The following ADGRL2 variants were observed in gnomAD, a reference collection of about 807,000 sequenced individuals.
The protein encoded by ADGRL2 is adhesion G protein-coupled receptor L2, also known as calcium-independent alpha-latrotoxin receptor 2.
ADGRL2 carries 44 observed loss-of-function variants against 157.4 expected under a neutral mutation model. That is an observed-to-expected ratio of 0.28 (90% CI 0.22 to 0.36). The LOEUF is 0.36. Among genes scored for constraint, ADGRL2 ranks in the 10% least tolerant of loss-of-function variants. The pLI, the probability that ADGRL2 is intolerant of heterozygous loss-of-function variation, is 1.00. For missense variants in ADGRL2, 1,510 were observed against 1,768.9 expected, an observed-to-expected ratio of 0.85 and a Z score of 2.63; for synonymous variants, 585 against 624.7, an observed-to-expected ratio of 0.94 and a Z score of 0.95.
At chr1:81,341,447 A>ATT (rs57301400) in intron 1 of ADGRL2, among the ~76,000 whole-genome samples, 2 of 148,910 alleles carry the variant, frequency 1.3e-5, no homozygotes, top group African/African-American at 4.9e-5. Context: ...GAAAACTGTG[A>ATT]TTTTTTTTTT....
chr1:81,708,353 C>T (rs2083811083), intron 1 of ADGRL2, among the ~76,000 whole-genome samples: 1 of 152,118 alleles, frequency 6.6e-6, no homozygotes, highest in Non-Finnish European at 1.5e-5. Flanking sequence ...GGGTTATTTC[C>T]AATCACTCAG....
intron 3 of ADGRL2, chr1:81,586,093 A>G (rs1398422546): frequency 6.6e-6 from 1 of 152,076 alleles, no homozygotes; most frequent in Non-Finnish European, 1.5e-5. Context: ...CATGTATTCT[A>G]TTATGTTACA....
chr1:81,910,868 C>T (rs1380757814), intron 3 of ADGRL2, among the ~76,000 whole-genome samples: 1 of 151,410 alleles, frequency 6.6e-6, no homozygotes, highest in African/African-American at 2.4e-5. Context: ...GAAAGTTTGT[C>T]TTTGAAAAGT....
chr1:81,520,948 C>T (rs2079300067), intron 2 of ADGRL2, among the ~76,000 whole-genome samples: 1 of 152,204 alleles, frequency 6.6e-6, no homozygotes, highest in African/African-American at 2.4e-5. Flanking sequence ...TGATTTCCAG[C>T]ATTCTAGCCA....
chr1:81,864,950 C>T (rs1571770859), intron 2 of ADGRL2, among the ~76,000 whole-genome samples: 1 of 152,276 alleles, frequency 6.6e-6, no homozygotes, highest in East Asian at 1.9e-4. Context: ...CGCACCACTA[C>T]ACTCTAGCTT....
intron 1 of ADGRL2, among the ~76,000 whole-genome samples, chr1:81,392,744 T>C (rs374167920): frequency 6.6e-6 from 1 of 152,112 alleles, no homozygotes; most frequent in African/African-American, 2.4e-5. Flanking sequence ...TTCTTTTTAT[T>C]AGTTCAGCCT....
At chr1:81,382,536 A>G (rs7554357) in intron 1 of ADGRL2, among the ~76,000 whole-genome samples, 50,509 of 152,028 alleles carry the variant, frequency 0.33, 9,827 homozygotes, top group Non-Finnish European at 0.44. Context: ...TGCTTTTTTA[A>G]AAGCAACTTT....
intron 2 of ADGRL2, among the ~76,000 whole-genome samples, chr1:81,470,062 G>A (rs1467304871): frequency 1.3e-5 from 2 of 152,094 alleles, no homozygotes; most frequent in African/African-American, 4.8e-5. Context: ...AATTGCTTTA[G>A]GCCTTAGAAA....
Position 81,678,078 on chromosome 1 carries a change from T to C in ADGRL2, c.-142-83733T>C, listed in dbSNP as rs183606097. 2.3e-3 allele frequency among the ~76,000 whole-genome samples: 350 copies of C among 152,306 alleles called. 2 individuals are homozygous for C. Among genetic ancestry groups the C allele is most frequent in the African/African-American group, 8.0e-3 (332 of 41,572 alleles). On this transcript the variant is annotated intron_variant, in intron 3 of 24. Transcript: ENST00000370721. ...CACAGCTGAAATGTCACCTCCCATA[T>C]GTAGCCTTCTCAGAGCACATAGGAA...
chr1:81,531,231 G>A (rs976320555), intron 2 of ADGRL2, among the ~76,000 whole-genome samples: 17 of 152,164 alleles, frequency 1.1e-4, no homozygotes, highest in African/African-American at 3.6e-4. Context: ...ACTCTTGCTG[G>A]TAGAAAAGGA....
chr1:81,501,963 C>G (rs773499802), intron 2 of ADGRL2: 1 of 1,613,708 alleles, frequency 6.2e-7, no homozygotes, highest in Non-Finnish European at 8.5e-7. Flanking sequence ...GGGAGACCTT[C>G]TGGCAGCACT....
intron 2 of ADGRL2, among the ~76,000 whole-genome samples, chr1:81,885,327 A>T (rs1213932265): frequency 1.3e-5 from 2 of 152,074 alleles, no homozygotes; most frequent in Non-Finnish European, 2.9e-5. Context: ...AGAGGAATTT[A>T]AAAAAAATGT....
chr1:81,864,551 G>A (rs1267358194), intron 2 of ADGRL2, among the ~76,000 whole-genome samples: 1 of 152,054 alleles, frequency 6.6e-6, no homozygotes, highest in Non-Finnish European at 1.5e-5. Flanking sequence ...TAATTTGATA[G>A]CCTCATTTGT....
At position 81,347,328 on chromosome 1, in the gene ADGRL2, G is replaced by A. The variant is rs568506773; in HGVS notation, c.-302+40819G>A. ...AGGCAGGAGAATCGCTTGAACCCGG[G>A]AAGCAGAGGTTGCAGTGAGCCTAGA... On this transcript the variant is annotated intron_variant, in intron 1 of 24. Coordinates refer to the ADGRL2 transcript ENST00000370721. 7.9e-4 allele frequency among the ~76,000 whole-genome samples: 120 copies of A among 152,166 alleles called. 1 individual carries two copies. Among genetic ancestry groups the A allele is most frequent in the African/African-American group, 2.7e-3 (111 of 41,522 alleles).
At position 81,971,882 on chromosome 1, in the gene ADGRL2, A is replaced by G. The variant is rs771459250; in HGVS notation, c.2985A>G (p.Ile995Met). The part of the protein sequence containing the change: ...ACWLHVDNYF[I>M]WSFIGPVTFI... The stretch of plus-strand genomic sequence containing the variant: ...GGCTTCATGTTGATAACTACTTTAT[A>G]TGGAGCTTCATTGGACCTGTTACCT... The change falls in exon 17 of 24, where the codon ATA becomes ATG. Residue 995 changes from isoleucine (I) to methionine (M), a missense_variant. By Grantham distance (10) the Ile-to-Met change is conservative (BLOSUM62 1). Around this residue, in one of 4 missense-constraint regions of ADGRL2, gnomAD observed 497 missense variants for 627.2 expected, o/e 0.79. Transcript: ENST00000686636. 4 of 1,611,546 alleles carry G rather than the reference A, an allele frequency of 2.5e-6. No homozygotes were observed. The highest frequency in any genetic ancestry group is 2.2e-5 in the South Asian group (2 of 90,920).
intron 1 of ADGRL2, among the ~76,000 whole-genome samples, chr1:81,752,867 A>G (rs1219775698): frequency 1.3e-5 from 2 of 152,258 alleles, no homozygotes; most frequent in Non-Finnish European, 2.9e-5. Flanking sequence ...CAAACCAAAA[A>G]TGATACTTCC....
chr1:81,694,868 T>C (rs1457408984), upstream of ADGRL2, among the ~76,000 whole-genome samples: 3 of 152,188 alleles, frequency 2.0e-5, no homozygotes, highest in Admixed American at 6.5e-5. Flanking sequence ...TCCTACATTT[T>C]CTTAAATTGT....
chr1:81,879,902 C>T (rs1453103792), intron 2 of ADGRL2, among the ~76,000 whole-genome samples: 1 of 152,100 alleles, frequency 6.6e-6, no homozygotes, highest in Non-Finnish European at 1.5e-5. Flanking sequence ...TGGCACGCAC[C>T]TGTAATCCCT....
intron 2 of ADGRL2, among the ~76,000 whole-genome samples, chr1:81,856,022 C>A (rs1320219207): frequency 6.6e-6 from 1 of 152,124 alleles, no homozygotes; most frequent in Non-Finnish European, 1.5e-5. Flanking sequence ...ACTGGACTTT[C>A]TTGCAGGCAT....
Sources: gnomAD v4.1 joint callset for allele counts (sites outside exome capture counted in the v4.1 genomes callset) on GRCh38, gnomAD v4.1.1 for gene constraint, gnomAD v4.1.1 regional missense constraint, MANE v1.5 for transcripts, NCBI Gene and HGNC (gene_info 2026-07-23, HGNC 2026-07-21) for gene names.